CHCHD3: variants seen among roughly 807,000 people sequenced by gnomAD.
CHCHD3 encodes the protein MICOS complex subunit MIC19.
CHCHD3 carries 20 observed loss-of-function variants against 38.2 expected under a neutral mutation model. The ratio of observed to expected loss-of-function variants is 0.52; its 90% CI spans 0.37 to 0.76. The LOEUF is 0.76. Among genes scored for constraint, CHCHD3 ranks in the 30% least tolerant of loss-of-function variants. CHCHD3 has a pLI of 0.00. For synonymous variants in CHCHD3, 82 were observed against 100.0 expected, an observed-to-expected ratio of 0.82 and a Z score of 1.07; for missense variants, 245 against 279.2, an observed-to-expected ratio of 0.88 and a Z score of 0.87.
At chr7:132,935,493 T>A (rs997775347) in intron 4 of CHCHD3, among the ~76,000 whole-genome samples, 1 of 152,232 alleles carries the variant, frequency 6.6e-6, no homozygotes, top group Non-Finnish European at 1.5e-5. Flanking sequence ...TGGGTCAGGA[T>A]GTAAAATATA....
intron 6 of CHCHD3, among the ~76,000 whole-genome samples, chr7:132,817,855 G>A (rs944314577): frequency 2.0e-5 from 3 of 150,526 alleles, no homozygotes; most frequent in Non-Finnish European, 4.4e-5. Flanking sequence ...TCATGCCACT[G>A]TATTCCAGCC....
intron 4 of CHCHD3, among the ~76,000 whole-genome samples, chr7:132,904,536 A>C (rs1028363989): frequency 5.3e-5 from 8 of 152,220 alleles, no homozygotes; most frequent in Non-Finnish European, 1.2e-4. Flanking sequence ...CAATGCCACA[A>C]TGAGATACCA....
intron 4 of CHCHD3, among the ~76,000 whole-genome samples, chr7:132,971,458 T>A (rs1811610971): frequency 6.6e-6 from 1 of 152,218 alleles, no homozygotes; most frequent in African/African-American, 2.4e-5. Context: ...GGGAAAGTTT[T>A]GATCTGATCC....
At chr7:132,960,474 T>G (rs1811289639) in intron 4 of CHCHD3, among the ~76,000 whole-genome samples, 1 of 152,128 alleles carries the variant, frequency 6.6e-6, no homozygotes, top group Non-Finnish European at 1.5e-5. Flanking sequence ...AATAATATAT[T>G]GAGTTCATCA....
chr7:133,068,535 T>C (rs1369231756), intron 2 of CHCHD3, among the ~76,000 whole-genome samples: 4 of 152,196 alleles, frequency 2.6e-5, no homozygotes, highest in Non-Finnish European at 4.4e-5. Flanking sequence ...CACTGGGACA[T>C]GACTTGACCT....
intron 4 of CHCHD3, among the ~76,000 whole-genome samples, chr7:132,901,321 G>C (rs1168893048): frequency 6.6e-6 from 1 of 152,228 alleles, no homozygotes; most frequent in African/African-American, 2.4e-5. Flanking sequence ...GGAAAGAAGA[G>C]AATGCGCTCA....
At chr7:133,051,766 A>G (rs1273530837) in intron 2 of CHCHD3, among the ~76,000 whole-genome samples, 1 of 152,238 alleles carries the variant, frequency 6.6e-6, no homozygotes. Context: ...GCTCATAATT[A>G]TAACTATATG....
intron 1 of CHCHD3, among the ~76,000 whole-genome samples, chr7:133,079,341 A>G (rs1815104061): frequency 6.6e-6 from 1 of 152,226 alleles, no homozygotes; most frequent in Admixed American, 6.5e-5. Flanking sequence ...CTAAATACGG[A>G]AACACAATGA....
rs5887600 is a variant in CHCHD3 at position 132,919,100 on chromosome 7, C to CTTTTTTTTTTTTTT, written c.370-33369_370-33356dup. On this transcript the variant is annotated intron_variant, in intron 4 of 7. Transcript: ENST00000262570. Reference sequence around the variant, plus strand: ...CTAATCCTATATAGTTGGGTTTATTCTTTTTTTTTTTTTTTTTTTTTTTTT... The same window carrying CTTTTTTTTTTTTTT: ...CTAATCCTATATAGTTGGGTTTATTCTTTTTTTTTTTTTTTTTTTTTTTTTTTTTTTTTTTTTTT... Among the ~76,000 whole-genome samples, 28 of 69,504 alleles carry CTTTTTTTTTTTTTT rather than the reference C, an allele frequency of 4.0e-4. 4 individuals carry two copies. The highest frequency in any genetic ancestry group is 4.0e-3 in the East Asian group (7 of 1,742). The allele number at this position is 69,504 out of a possible 152,430, so 45.6% of individuals were successfully genotyped here. A position where few individuals can be genotyped will look rare whatever the true frequency, so the allele number is the denominator to read the frequency against.
intron 6 of CHCHD3, among the ~76,000 whole-genome samples, chr7:132,807,491 A>G (rs1806953864): frequency 6.6e-6 from 1 of 151,798 alleles, no homozygotes; most frequent in African/African-American, 2.4e-5. Context: ...AGTAATGGAA[A>G]ATGGAATAAG....
At chr7:133,044,030 G>C (rs190273797) in intron 2 of CHCHD3, among the ~76,000 whole-genome samples, 1 of 152,284 alleles carries the variant, frequency 6.6e-6, no homozygotes, top group East Asian at 1.9e-4. Context: ...TATGTTTCCA[G>C]ATTTCTACCA....
At chr7:132,960,659 A>G (rs892980705) in intron 4 of CHCHD3, among the ~76,000 whole-genome samples, 2 of 152,142 alleles carry the variant, frequency 1.3e-5, no homozygotes, top group African/African-American at 4.8e-5. Flanking sequence ...TTAGCAAAAC[A>G]GAAGATCTAA....
At chr7:133,022,247 G>T (rs1037347692) in intron 3 of CHCHD3, among the ~76,000 whole-genome samples, 8 of 152,196 alleles carry the variant, frequency 5.3e-5, no homozygotes, top group African/African-American at 9.6e-5. Context: ...GTCCAGCTAT[G>T]AAGTGCTTGA....
intron 5 of CHCHD3, among the ~76,000 whole-genome samples, chr7:132,853,993 A>T (rs1808283273): frequency 6.6e-6 from 1 of 152,334 alleles, no homozygotes; most frequent in South Asian, 2.1e-4. Flanking sequence ...TACCCTATCA[A>T]ACTGGCTGTC....
chr7:133,077,059 T>C (rs1815011295), intron 1 of CHCHD3, among the ~76,000 whole-genome samples: 1 of 93,238 alleles, frequency 1.1e-5, no homozygotes, highest in Admixed American at 1.1e-4. Context: ...CCCAAATAGT[T>C]AGTTAAGAGA....
chr7:132,929,283 G>A (rs1028231212), intron 4 of CHCHD3, among the ~76,000 whole-genome samples: 2 of 151,922 alleles, frequency 1.3e-5, no homozygotes, highest in Non-Finnish European at 2.9e-5. Flanking sequence ...CACCTCTGAC[G>A]GATCCCTCAC....
chr7:132,789,415 C>T (rs936649319), intron 7 of CHCHD3, among the ~76,000 whole-genome samples: 6 of 152,116 alleles, frequency 3.9e-5, no homozygotes, highest in Non-Finnish European at 7.4e-5. Flanking sequence ...TGCTCTTTTC[C>T]CAAGTCTTTT....
intron 3 of CHCHD3, among the ~76,000 whole-genome samples, chr7:132,987,391 A>C (rs1037418229): frequency 6.6e-6 from 1 of 152,248 alleles, no homozygotes; most frequent in Non-Finnish European, 1.5e-5. Flanking sequence ...CATGATTTAC[A>C]ACAGAGTCAA....
chr7:132,996,784 C>T (rs1812429671), intron 3 of CHCHD3, among the ~76,000 whole-genome samples: 1 of 152,110 alleles, frequency 6.6e-6, no homozygotes, highest in Non-Finnish European at 1.5e-5. Context: ...CGAAACGGAC[C>T]ATTTACTACA....
Sources: gnomAD v4.1 joint callset for allele counts (sites outside exome capture counted in the v4.1 genomes callset) on GRCh38, gnomAD v4.1.1 for gene constraint, MANE v1.5 for transcripts, NCBI Gene and HGNC (gene_info 2026-07-23, HGNC 2026-07-21) for gene names.